The following GNPTAB variants were observed in gnomAD, a reference collection of about 807,000 sequenced individuals.
The protein encoded by GNPTAB is N-acetylglucosamine-1-phosphate transferase subunits alpha and beta.
Under a neutral mutation model 136.6 loss-of-function variants are expected in GNPTAB, and 92 were observed. The observed-to-expected ratio is 0.67, with a 90% CI of 0.57 to 0.80. GNPTAB has a LOEUF of 0.80. Among genes scored for constraint, GNPTAB ranks in the 30% least tolerant of loss-of-function variants. The pLI is 0.00. For synonymous variants in GNPTAB, 512 were observed against 535.1 expected, an observed-to-expected ratio of 0.96 and a Z score of 0.60; for missense variants, 1,343 against 1,501.8, an observed-to-expected ratio of 0.89 and a Z score of 1.75.
Position 101,766,287 on chromosome 12 carries a change from A to G in GNPTAB, c.1416T>C (p.Ser472=). The change falls in exon 12 of 21, where the codon AGT becomes AGC. Residue 472 remains serine (S), a synonymous_variant. Coordinates refer to ENST00000299314, the MANE Select transcript of GNPTAB (RefSeq NM_024312.5). ...DWDGGDCSGN[S]GGSRYIAGGG... ...CTCCTGCAATATAGCGACTCCCTCC[A>G]CTGTTTCCTGTAGATCGGAGGAAGA... 1 of 1,613,228 alleles carries G rather than the reference A, an allele frequency of 6.2e-7. No homozygotes were observed. The highest frequency in any genetic ancestry group is 1.1e-5 in the South Asian group (1 of 91,046).
intron 19 of GNPTAB, among the ~76,000 whole-genome samples, chr12:101,749,895 T>C (rs951316666): frequency 6.6e-6 from 1 of 152,092 alleles, no homozygotes; most frequent in African/African-American, 2.4e-5. Context: ...AACCACACCG[T>C]GGGGTCTGGA....
intron 1 of GNPTAB, among the ~76,000 whole-genome samples, chr12:101,822,778 A>C (rs1870878090): frequency 6.6e-6 from 1 of 152,342 alleles, no homozygotes; most frequent in Middle Eastern, 3.4e-3. Flanking sequence ...TATCAGGCCC[A>C]CCTGAATTTT....
At chr12:101,798,036 C>T (rs1018137101) in intron 1 of GNPTAB, among the ~76,000 whole-genome samples, 2 of 152,114 alleles carry the variant, frequency 1.3e-5, no homozygotes, top group African/African-American at 2.4e-5. Context: ...CATTTTCTGT[C>T]CCTTTCAAGG....
rs1869606404 is a variant in GNPTAB at position 101,801,259 on chromosome 12, A to AG, written c.118-4498dup. On this transcript the variant is annotated intron_variant, in intron 1 of 20. Transcript: ENST00000299314. ...AAAAAAAAAAAAAAAAAAAAAAAAA[A>AG]GGCCAGGCATAGTTGCTCATACCTT... Among the ~76,000 whole-genome samples, 3 of 146,468 alleles carry AG rather than the reference A, an allele frequency of 2.0e-5. No homozygotes were observed. The Admixed American group carries it at 2.0e-4, about 10-fold the overall frequency.
intron 7 of GNPTAB, among the ~76,000 whole-genome samples, chr12:101,774,725 AGT>A (rs1162020815): frequency 6.6e-6 from 1 of 152,228 alleles, no homozygotes; most frequent in Non-Finnish European, 1.5e-5. Context: ...GCTTATTATA[AGT>A]GAGAATATTC....
chr12:101,819,141 A>G (rs1236149144), intron 1 of GNPTAB, among the ~76,000 whole-genome samples: 1 of 151,742 alleles, frequency 6.6e-6, no homozygotes, highest in Non-Finnish European at 1.5e-5. Flanking sequence ...CCTCCCAAGT[A>G]TCTGGGATTA....
intron 13 of GNPTAB, among the ~76,000 whole-genome samples, chr12:101,763,719 G>C (rs1317572769): frequency 6.6e-6 from 1 of 152,192 alleles, no homozygotes; most frequent in Non-Finnish European, 1.5e-5. Context: ...AGAGCACTGA[G>C]GAGAGGTACA....
intron 1 of GNPTAB, among the ~76,000 whole-genome samples, chr12:101,805,489 G>T (rs1869885048): frequency 6.6e-6 from 1 of 152,130 alleles, no homozygotes; most frequent in South Asian, 2.1e-4. Flanking sequence ...CTGAGCCTAG[G>T]GCTCAGGCAA....
chr12:101,772,799 G>T (rs771772759), intron 7 of GNPTAB, among the ~76,000 whole-genome samples: 1 of 152,048 alleles, frequency 6.6e-6, no homozygotes, highest in African/African-American at 2.4e-5. Flanking sequence ...CACTATTCTA[G>T]AACAATTTAT....
rs1952746596 is a variant in GNPTAB at position 101,747,224 on chromosome 12, C to CTTTGTGTATCCT, written c.3710_3711insAGGATACACAAA (p.Arg1237_Lys1238insGlyTyrThrLys). ...GTATCCTCCTTCTGGGAAATATCTTCCGCTTAAGTGCAATTAACTAAATGA... is the reference window on the plus strand; with the variant it reads ...GTATCCTCCTTCTGGGAAATATCTTCTTTGTGTATCCTCGCTTAAGTGCAATTAACTAAATGA... On this transcript the variant is annotated inframe_insertion, in exon 21 of 21. Transcript: ENST00000299314. The CTTTGTGTATCCT allele has an allele frequency of 6.3e-7, 1 of 1,582,996 alleles. No homozygotes were observed. Among genetic ancestry groups the CTTTGTGTATCCT allele is most frequent in the African/African-American group, 1.3e-5 (1 of 74,282 alleles).
At position 101,802,681 on chromosome 12, in the gene GNPTAB, T is replaced by A. The variant is rs759803639; in HGVS notation, c.118-5919A>T. ...AGAACCTAATGTACAACTATTACAG[T>A]AGGCTCCAGGCTGTATTTAAAGAAA... On this transcript the variant is annotated intron_variant, in intron 1 of 20. Transcript: ENST00000299314. Among the ~76,000 whole-genome samples, 107 of 152,184 alleles carry A rather than the reference T, an allele frequency of 7.0e-4. 3 individuals are homozygous for A. The highest frequency in any genetic ancestry group is 1.8e-4 in the Non-Finnish European group (12 of 68,022).
chr12:101,786,246 T>A (rs2137144883), intron 4 of GNPTAB, 29 bp from the exon 5 acceptor site: 1 of 1,560,048 alleles, frequency 6.4e-7, no homozygotes, highest in South Asian at 1.1e-5. Context: ...ATGCTTACAA[T>A]TACATTCTTG....
intron 1 of GNPTAB, among the ~76,000 whole-genome samples, chr12:101,808,867 G>T (rs1870078797): frequency 6.6e-6 from 1 of 152,218 alleles, no homozygotes; most frequent in Non-Finnish European, 1.5e-5. Flanking sequence ...AGAATTGCCT[G>T]AACCCGGGAG....
intron 18 of GNPTAB, among the ~76,000 whole-genome samples, chr12:101,756,779 G>A (rs946386237): frequency 2.0e-5 from 3 of 152,194 alleles, no homozygotes; most frequent in Admixed American, 1.3e-4. Flanking sequence ...GATGGCTGGA[G>A]TATACTGGAT....
chr12:101,823,688 T>C (rs1202627633), intron 1 of GNPTAB, among the ~76,000 whole-genome samples: 4 of 151,590 alleles, frequency 2.6e-5, no homozygotes, highest in Admixed American at 6.6e-5. Context: ...ATGAACAATA[T>C]TTAGATCTCA....
chr12:101,758,143 A>G (rs894507962), intron 16 of GNPTAB, among the ~76,000 whole-genome samples: 4 of 149,526 alleles, frequency 2.7e-5, no homozygotes, highest in Admixed American at 2.0e-4. Flanking sequence ...GGTTCAAGTG[A>G]TTCTCCTGTC....
Position 101,764,454 on chromosome 12 carries a change from G to T in GNPTAB, c.2463C>A (p.His821Gln). The T allele has an allele frequency of 6.2e-7, 1 of 1,613,618 alleles. No homozygotes were observed. The highest frequency in any genetic ancestry group is 2.2e-5 in the East Asian group (1 of 44,878). ...CATTTCCGCCTATGGTTTTTTGGGT[G>T]TGAGTTTCCACTCTAAATCTTGCTG... ...ETTARFRVET[H>Q]TQKTIGGNVT... The change falls in exon 13 of 21, where the codon CAC becomes CAA. Residue 821 changes from histidine (H) to glutamine (Q), a missense_variant. Physicochemically the swap from His to Gln is conservative, Grantham distance 24. Coordinates refer to ENST00000299314, the MANE Select transcript of GNPTAB (RefSeq NM_024312.5).
chr12:101,793,908 T>C (rs1054458855), intron 2 of GNPTAB, among the ~76,000 whole-genome samples: 17 of 152,188 alleles, frequency 1.1e-4, no homozygotes, highest in Non-Finnish European at 2.5e-4. Context: ...AGTGGTGCCA[T>C]CTCAGCTCAC....
chr12:101,780,026 C>A, intron 7 of GNPTAB, 126 bp downstream of exon 7: 1 of 948,108 alleles, frequency 1.1e-6, no homozygotes, highest in Non-Finnish European at 1.7e-6. Flanking sequence ...TCTGGCAGAA[C>A]AGAATCCCTC....
Sources: gnomAD v4.1 joint callset for allele counts (sites outside exome capture counted in the v4.1 genomes callset) on GRCh38, gnomAD v4.1.1 for gene constraint, MANE v1.5 for transcripts, NCBI Gene and HGNC (gene_info 2026-07-23, HGNC 2026-07-21) for gene names.